The following RAB3C variants were observed in gnomAD, a reference collection of about 807,000 sequenced individuals.
RAB3C encodes the protein RAB3C, member RAS oncogene family.
RAB3C carries 17 observed loss-of-function variants against 26.4 expected under a neutral mutation model. That is an observed-to-expected ratio of 0.64 (90% CI 0.44 to 0.97). The LOEUF is 0.97. Ranked by LOEUF, RAB3C falls within the 50% of genes least tolerant of loss-of-function variation. RAB3C has a pLI of 0.00. For synonymous variants in RAB3C, 91 were observed against 95.9 expected, an observed-to-expected ratio of 0.95 and a Z score of 0.30; for missense variants, 242 against 281.9, an observed-to-expected ratio of 0.86 and a Z score of 1.01.
At chr5:58,621,105 A>G (rs1746927953) in intron 2 of RAB3C, among the ~76,000 whole-genome samples, 10 of 152,190 alleles carry the variant, frequency 6.6e-5, no homozygotes, top group Admixed American at 5.9e-4. Context: ...TTCCCAACTT[A>G]TAGTATTTTT....
intron 3 of RAB3C, among the ~76,000 whole-genome samples, chr5:58,795,437 C>T (rs538493202): frequency 6.6e-6 from 1 of 152,240 alleles, no homozygotes; most frequent in African/African-American, 2.4e-5. Flanking sequence ...CATTTGTCCC[C>T]TCAGAACTCA....
At chr5:58,810,877 A>C (rs1743061448) in intron 3 of RAB3C, among the ~76,000 whole-genome samples, 1 of 152,216 alleles carries the variant, frequency 6.6e-6, no homozygotes, top group Non-Finnish European at 1.5e-5. Context: ...GATTACAGGC[A>C]TGAGCCACCG....
At chr5:58,760,542 AC>A (rs1297837048) in intron 3 of RAB3C, among the ~76,000 whole-genome samples, 1 of 152,188 alleles carries the variant, frequency 6.6e-6, no homozygotes, top group Admixed American at 6.5e-5. Flanking sequence ...GATCACCAAA[AC>A]ACTTAACTGA....
At chr5:58,829,385 G>GAA (rs1431539089) in intron 4 of RAB3C, among the ~76,000 whole-genome samples, 2 of 120,852 alleles carry the variant, frequency 1.7e-5, no homozygotes, top group Non-Finnish European at 3.6e-5. Flanking sequence ...ATTAAAGATA[G>GAA]ATTTTCCTAA....
chr5:58,734,641 C>T (rs984759721), intron 3 of RAB3C, among the ~76,000 whole-genome samples: 1 of 152,180 alleles, frequency 6.6e-6, no homozygotes, highest in Non-Finnish European at 1.5e-5. Context: ...AAACTCAAAA[C>T]ACCCTGTTTC....
At chr5:58,672,933 A>C (rs1748149679) in intron 2 of RAB3C, among the ~76,000 whole-genome samples, 1 of 152,066 alleles carries the variant, frequency 6.6e-6, no homozygotes, top group African/African-American at 2.4e-5. Flanking sequence ...GTTAAAGTCT[A>C]CCCCATTTCA....
intron 2 of RAB3C, among the ~76,000 whole-genome samples, chr5:58,668,178 C>T (rs1352425638): frequency 6.6e-6 from 1 of 152,060 alleles, no homozygotes; most frequent in Non-Finnish European, 1.5e-5. Flanking sequence ...TTGCAATTGC[C>T]CATGTTAAAA....
intron 2 of RAB3C, among the ~76,000 whole-genome samples, chr5:58,663,074 T>C (rs1579844828): frequency 6.6e-6 from 1 of 150,528 alleles, no homozygotes; most frequent in Non-Finnish European, 1.5e-5. Flanking sequence ...TACTTCTGCA[T>C]TTTTCTAGTT....
intron 3 of RAB3C, among the ~76,000 whole-genome samples, chr5:58,787,733 T>C (rs1291578530): frequency 6.6e-6 from 1 of 152,162 alleles, no homozygotes; most frequent in African/African-American, 2.4e-5. Flanking sequence ...TCTGTGTTCT[T>C]TGGTGTGCAC....
intron 4 of RAB3C, among the ~76,000 whole-genome samples, chr5:58,840,036 G>C (rs903974163): frequency 6.6e-6 from 1 of 151,390 alleles, no homozygotes; most frequent in Non-Finnish European, 1.5e-5. Context: ...TGCTTTCTCT[G>C]TCTGCTATGA....
chr5:58,799,598 A>G (rs1742758432), intron 3 of RAB3C, among the ~76,000 whole-genome samples: 1 of 152,176 alleles, frequency 6.6e-6, no homozygotes, highest in Non-Finnish European at 1.5e-5. Flanking sequence ...TCATGACTGA[A>G]ACAAACAAGG....
chr5:58,786,090 A>G (rs1862251), intron 3 of RAB3C, among the ~76,000 whole-genome samples: 2,655 of 152,366 alleles, frequency 0.017, 77 homozygotes, highest in African/African-American at 0.06. Context: ...ACAGAACTGT[A>G]AGATAATAGA....
intron 2 of RAB3C, among the ~76,000 whole-genome samples, chr5:58,712,125 C>G: frequency 6.6e-6 from 1 of 152,286 alleles, no homozygotes; most frequent in Non-Finnish European, 1.5e-5. Context: ...CTGGAGCTTA[C>G]TTCAGCTTAC....
intron 2 of RAB3C, among the ~76,000 whole-genome samples, chr5:58,644,767 A>G (rs761362245): frequency 6.6e-6 from 1 of 152,192 alleles, no homozygotes; most frequent in Non-Finnish European, 1.5e-5. Flanking sequence ...GTCCAATATA[A>G]AAAGAAAGCG....
intron 3 of RAB3C, among the ~76,000 whole-genome samples, chr5:58,815,121 T>C (rs1743187822): frequency 6.6e-6 from 1 of 152,152 alleles, no homozygotes; most frequent in Admixed American, 6.5e-5. Flanking sequence ...CCAGGAGATA[T>C]ATTATTTTCT....
At chr5:58,653,993 C>G (rs899914224) in intron 2 of RAB3C, among the ~76,000 whole-genome samples, 2 of 152,180 alleles carry the variant, frequency 1.3e-5, no homozygotes, top group Non-Finnish European at 2.9e-5. Context: ...AACCCCAGAA[C>G]TGAATCCCAA....
chr5:58,674,773 A>G (rs1748189489), intron 2 of RAB3C, among the ~76,000 whole-genome samples: 1 of 152,208 alleles, frequency 6.6e-6, no homozygotes, highest in Non-Finnish European at 1.5e-5. Flanking sequence ...AGGTAAAGAC[A>G]CAAAGTATAA....
chr5:58,610,746 A>G (rs1450358011), intron 1 of RAB3C, among the ~76,000 whole-genome samples: 1 of 152,042 alleles, frequency 6.6e-6, no homozygotes, highest in Non-Finnish European at 1.5e-5. Flanking sequence ...TAGCTGGAAC[A>G]TAGTAACTTT....
chr5:58,591,991 C>T (rs1408846257), intron 1 of RAB3C, among the ~76,000 whole-genome samples: 2 of 151,030 alleles, frequency 1.3e-5, no homozygotes, highest in South Asian at 2.1e-4. Flanking sequence ...CTCTGCCTCC[C>T]GGGTTCAAGC....
Sources: allele counts gnomAD v4.1 joint callset (sites outside exome capture counted in the v4.1 genomes callset), GRCh38; gene constraint gnomAD v4.1.1; transcripts MANE v1.5; gene names NCBI Gene and HGNC (gene_info 2026-07-23, HGNC 2026-07-21).